The following PTPRD variants were observed in gnomAD, a reference collection of about 807,000 sequenced individuals.
PTPRD encodes the protein receptor-type tyrosine-protein phosphatase delta.
A neutral mutation model predicts 214.5 loss-of-function variants in PTPRD; 34 were observed. The observed-to-expected ratio is 0.16, with a 90% CI of 0.12 to 0.21. The LOEUF (loss-of-function observed/expected upper bound fraction) is 0.21, where lower values mean the gene tolerates loss of function less well. Ranked by LOEUF, PTPRD falls within the 10% of genes least tolerant of loss-of-function variation. The probability of loss-of-function intolerance (pLI) is 1.00; values close to 1 mark genes in which losing one functional copy is unlikely to be tolerated. For missense variants in PTPRD, 2,545 were observed against 2,398.7 expected, an observed-to-expected ratio of 1.06 and a Z score of -1.27; for synonymous variants, 1,128 against 845.7, an observed-to-expected ratio of 1.33 and a Z score of -5.79.
At chr9:8,989,347 C>T (rs912624276) in intron 11 of PTPRD, among the ~76,000 whole-genome samples, 17 of 152,048 alleles carry the variant, frequency 1.1e-4, no homozygotes, top group Non-Finnish European at 2.5e-4. Context: ...TAACCAATTT[C>T]TCTTCATTCC....
chr9:9,548,407 T>TTC (rs1428905752), intron 8 of PTPRD, among the ~76,000 whole-genome samples: 3 of 140,082 alleles, frequency 2.1e-5, no homozygotes, highest in African/African-American at 2.8e-5. Context: ...CTTTTTTTCT[T>TTC]TTTTTTTTTT....
chr9:9,415,567 G>A lies in PTPRD; in HGVS notation c.-236-18085C>T, dbSNP rs531714483. Among the ~76,000 whole-genome samples, 7 of 152,204 alleles carry A rather than the reference G, an allele frequency of 4.6e-5. No individual in the cohort carries two copies. In the South Asian group the frequency reaches 1.5e-3, roughly 32 times the overall value. ...GAATTAAAATGTTTGCTAAATTAGT[G>A]GATCTCACTTCATTCCCTTATAAGC... On this transcript the variant is annotated intron_variant, in intron 8 of 45. Coordinates refer to ENST00000381196, the MANE Select transcript of PTPRD (RefSeq NM_002839.4).
intron 9 of PTPRD, among the ~76,000 whole-genome samples, chr9:9,301,596 T>C (rs1463893955): frequency 1.3e-5 from 2 of 151,918 alleles, no homozygotes; most frequent in African/African-American, 2.4e-5. Context: ...TTCATCATTT[T>C]ACTTTATCCC....
intron 3 of PTPRD, among the ~76,000 whole-genome samples, chr9:10,206,602 A>G (rs2099482272): frequency 2.0e-5 from 3 of 152,224 alleles, no homozygotes; most frequent in Admixed American, 1.3e-4. Flanking sequence ...TTCTTATTGG[A>G]AGCCATGGAG....
chr9:8,409,751 C>G (rs2130914521), intron 35 of PTPRD, among the ~76,000 whole-genome samples: 1 of 152,222 alleles, frequency 6.6e-6, no homozygotes, highest in East Asian at 1.9e-4. Context: ...AAAATATTCC[C>G]TTTAGAAACT....
intron 30 of PTPRD, among the ~76,000 whole-genome samples, chr9:8,472,275 C>G (rs1461456276): frequency 6.6e-6 from 1 of 152,110 alleles, no homozygotes; most frequent in East Asian, 1.9e-4. Context: ...TGAAAACACA[C>G]ACACACGGAC....
At chr9:9,399,591 T>C (rs769890893) in intron 8 of PTPRD, among the ~76,000 whole-genome samples, 3 of 152,084 alleles carry the variant, frequency 2.0e-5, no homozygotes, top group Non-Finnish European at 4.4e-5. Flanking sequence ...ATTGTAGCTC[T>C]CATAATTCCC....
At chr9:10,437,925 G>C (rs1421309823) in intron 2 of PTPRD, among the ~76,000 whole-genome samples, 1 of 149,036 alleles carries the variant, frequency 6.7e-6, no homozygotes, top group Non-Finnish European at 1.5e-5. Flanking sequence ...TACCTATTCT[G>C]TGTTTCAAAA....
At chr9:8,828,697 G>A (rs761713271) in intron 11 of PTPRD, among the ~76,000 whole-genome samples, 7 of 152,086 alleles carry the variant, frequency 4.6e-5, no homozygotes, top group Non-Finnish European at 7.4e-5. Context: ...GTAACTGAGA[G>A]TACTATTATC....
chr9:10,584,200 A>T (rs1227966146), intron 2 of PTPRD, among the ~76,000 whole-genome samples: 1 of 150,674 alleles, frequency 6.6e-6, no homozygotes, highest in Non-Finnish European at 1.5e-5. Context: ...AAAAAGAAAG[A>T]AAAAAAAAGA....
intron 2 of PTPRD, among the ~76,000 whole-genome samples, chr9:10,345,430 C>A (rs1031579788): frequency 2.0e-5 from 3 of 151,206 alleles, no homozygotes; most frequent in Non-Finnish European, 4.4e-5. Context: ...CCCCACCCCC[C>A]ACATGCCCCA....
chr9:10,418,446 TACACACACACACACACACACACACAC>T (rs3076350), intron 2 of PTPRD, among the ~76,000 whole-genome samples: 5 of 124,652 alleles, frequency 4.0e-5, no homozygotes, highest in Admixed American at 2.4e-4. Context: ...CCTTCCCCTC[TACACACACACACACACACACACACAC>T]ACACACACAC....
intron 9 of PTPRD, among the ~76,000 whole-genome samples, chr9:9,331,880 T>C (rs756069183): frequency 4.0e-4 from 61 of 152,188 alleles, no homozygotes; most frequent in Non-Finnish European, 6.6e-4. Flanking sequence ...TTCATGTTGA[T>C]ATGCCCAACA....
chr9:9,396,599 G>A lies in PTPRD; in HGVS notation c.-203+850C>T, dbSNP rs78834968. On this transcript the variant is annotated intron_variant, in intron 9 of 45. Coordinates refer to ENST00000381196, the MANE Select transcript of PTPRD (RefSeq NM_002839.4). ...ACGCCTTCAAAATTGTTATCTTCCT[G>A]CCAACCAGCTCCCACTCTGGCCATT... 5.8e-3 allele frequency among the ~76,000 whole-genome samples: 883 copies of A among 151,818 alleles called. 10 individuals are homozygous for A. Among genetic ancestry groups the A allele is most frequent in the African/African-American group, 0.02 (829 of 41,398 alleles).
intron 3 of PTPRD, among the ~76,000 whole-genome samples, chr9:10,259,183 C>T (rs886955943): frequency 2.0e-5 from 3 of 147,452 alleles, no homozygotes; most frequent in Non-Finnish European, 3.0e-5. Context: ...CCACCACGCC[C>T]GGCTAATTTT....
chr9:8,993,328 A>C (rs2099384827), intron 11 of PTPRD, among the ~76,000 whole-genome samples: 1 of 152,100 alleles, frequency 6.6e-6, no homozygotes, highest in African/African-American at 2.4e-5. Context: ...TTGTTTTGGA[A>C]ATTTAAAGGA....
chr9:10,133,763 T>A (rs1319572904), intron 3 of PTPRD, among the ~76,000 whole-genome samples: 9 of 152,174 alleles, frequency 5.9e-5, no homozygotes, highest in Admixed American at 5.9e-4. Context: ...TTGAATTTCA[T>A]AAATGAATTT....
rs575879701 is a variant in PTPRD, at chr9:9,830,285, T to A, written c.-367-63434A>T. Among the ~76,000 whole-genome samples, 3 of 151,982 alleles carry A rather than the reference T, an allele frequency of 2.0e-5. No individual in the cohort carries two copies. In the South Asian group the frequency reaches 6.2e-4, roughly 31 times the overall value. On this transcript the variant is annotated intron_variant, in intron 5 of 45. Coordinates refer to ENST00000381196, the MANE Select transcript of PTPRD (RefSeq NM_002839.4). ...AATATATTTTTCACTTATAAATTTA[T>A]CTTCATGGCCACATCCCATTTTTTA... is the stretch of plus-strand genomic sequence containing the variant.
chr9:10,288,555 A>C (rs2095432904), intron 3 of PTPRD, among the ~76,000 whole-genome samples: 1 of 152,162 alleles, frequency 6.6e-6, no homozygotes, highest in Non-Finnish European at 1.5e-5. Context: ...GTCCACTACA[A>C]ATAAAATATG....
Sources: gnomAD v4.1 joint callset for allele counts (sites outside exome capture counted in the v4.1 genomes callset) on GRCh38, gnomAD v4.1.1 for gene constraint, MANE v1.5 for transcripts, NCBI Gene and HGNC (gene_info 2026-07-23, HGNC 2026-07-21) for gene names.